The following ATP5F1C variants were observed in gnomAD, a reference collection of about 807,000 sequenced individuals.
The protein encoded by ATP5F1C is ATP synthase F(1) complex subunit gamma, mitochondrial.
ATP5F1C carries 22 observed loss-of-function variants against 37.4 expected under a neutral mutation model. The ratio of observed to expected loss-of-function variants is 0.59; its 90% CI spans 0.42 to 0.84. The LOEUF (loss-of-function observed/expected upper bound fraction) is 0.84. Among genes scored for constraint, ATP5F1C ranks in the 40% least tolerant of loss-of-function variants. The probability of loss-of-function intolerance (pLI) is 0.00; values close to 1 mark genes in which losing one functional copy is unlikely to be tolerated. For synonymous variants in ATP5F1C, 121 were observed against 128.0 expected, an observed-to-expected ratio of 0.95 and a Z score of 0.37; for missense variants, 286 against 362.4, an observed-to-expected ratio of 0.79 and a Z score of 1.71.
chr10:7,798,853 A>G, intron 3 of ATP5F1C, 137 bp from the exon 4 acceptor site: 1 of 779,926 alleles, frequency 1.3e-6, no homozygotes, highest in Non-Finnish European at 2.0e-6. Context: ...TGTCCTAAGA[A>G]CACCTGCTTA....
In ATP5F1C at chr10:7,788,252, G is replaced by T; in HGVS notation, c.45G>T (p.Leu15Phe). Reference sequence around the variant, plus strand: ...TCGCTGGGCTGTCGGCCTGGACCTTGCAGCCGCAATGGTATGGCAGCTTGC... The same window carrying T: ...TCGCTGGGCTGTCGGCCTGGACCTTTCAGCCGCAATGGTATGGCAGCTTGC... ...AGVAGLSAWT[L>F]QPQWIQVRNM... is the part of the protein sequence containing the mutation. The change falls in exon 1 of 10, where the codon TTG becomes TTT. Residue 15 changes from leucine to phenylalanine, a missense_variant. By Grantham distance (22) the Leu-to-Phe change is conservative. Coordinates refer to ENST00000356708, the MANE Select transcript of ATP5F1C (RefSeq NM_001001973.3). The T allele has an allele frequency of 6.2e-7, 1 of 1,613,506 alleles. No individual in the cohort carries two copies. The highest frequency in any genetic ancestry group is 8.5e-7 in the Non-Finnish European group (1 of 1,179,894).
chr10:7,799,612 AAGGAATGATGATAGTGTGTGGAACAACTC>A lies in ATP5F1C; in HGVS notation c.429-154_429-126del, dbSNP rs1219244990. 27 of 747,854 alleles carry A rather than the reference AAGGAATGATGATAGTGTGTGGAACAACTC, an allele frequency of 3.6e-5. No individual in the cohort carries two copies. In the African/African-American group the frequency reaches 4.6e-4, roughly 13 times the overall value. The allele number at this position is 747,854 out of a possible 1,614,324, so 46.3% of individuals were successfully genotyped here. On this transcript the variant is annotated intron_variant, in intron 4 of 9. Coordinates refer to ENST00000356708, the MANE Select transcript of ATP5F1C (RefSeq NM_001001973.3). The stretch of plus-strand genomic sequence containing the variant: ...TTAGTTCTTTGCAGGTGCTGAAGGA[AAGGAATGATGATAGTGTGTGGAACAACTC>A]AGGAAATCACCACCACCCATACCCC...
chr10:7,793,537 A>G lies in ATP5F1C; in HGVS notation c.57-2584A>G, dbSNP rs1034266678. Among the ~76,000 whole-genome samples, 4 of 152,174 alleles carry G rather than the reference A, an allele frequency of 2.6e-5. No homozygotes were observed. In the East Asian group the frequency reaches 5.8e-4, roughly 22 times the overall value. ...TTTGGATACAAGTCCTTTATCAGAG[A>G]TGAGTTTTAGAAATATTTTCTCCCA... On this transcript the variant is annotated intron_variant, in intron 1 of 9. Transcript: ENST00000356708.
At chr10:7,802,912 T>C in intron 8 of ATP5F1C, 58 bp downstream of exon 8, 1 of 1,459,114 alleles carries the variant, frequency 6.9e-7, no homozygotes, top group Non-Finnish European at 9.5e-7. Flanking sequence ...CTGTGTCTGC[T>C]TGTTTGGATG....
intron 1 of ATP5F1C, among the ~76,000 whole-genome samples, chr10:7,792,143 G>A (rs1836173761): frequency 6.6e-6 from 1 of 152,230 alleles, no homozygotes; most frequent in African/African-American, 2.4e-5. Flanking sequence ...CTTTTCAAGT[G>A]TGATTATGAA....
Position 7,788,265 on chromosome 10 carries a change from T to C in ATP5F1C, c.56+2T>C. 6.2e-7 allele frequency: 1 copy of C among 1,613,064 alleles called. No individual in the cohort carries two copies. Among genetic ancestry groups the C allele is most frequent in the Non-Finnish European group, 8.5e-7 (1 of 1,179,752 alleles). ...GGCCTGGACCTTGCAGCCGCAATGGTATGGCAGCTTGCGGGAAGATCGGCA... is the reference window on the plus strand; with the variant it reads ...GGCCTGGACCTTGCAGCCGCAATGGCATGGCAGCTTGCGGGAAGATCGGCA... On this transcript the variant is annotated splice_donor_variant, in intron 1 of 9. Coordinates refer to ENST00000356708, the MANE Select transcript of ATP5F1C (RefSeq NM_001001973.3). LOFTEE classifies it high-confidence loss of function.
At chr10:7,790,480 C>T (rs1046033343) in intron 1 of ATP5F1C, among the ~76,000 whole-genome samples, 1 of 151,996 alleles carries the variant, frequency 6.6e-6, no homozygotes, top group East Asian at 1.9e-4. Flanking sequence ...TTGGGAAAAA[C>T]ATTTCTATTT....
chr10:7,799,236 C>T (rs1163243440), intron 4 of ATP5F1C, 42 bp downstream of exon 4: 1 of 1,557,324 alleles, frequency 6.4e-7, no homozygotes, highest in Non-Finnish European at 8.8e-7. Context: ...AAGATGTAAG[C>T]ACGAATAAAT....
intron 4 of ATP5F1C, 57 bp from the exon 5 acceptor site, chr10:7,799,715 G>C (rs943080651): frequency 1.4e-5 from 23 of 1,593,126 alleles, no homozygotes; most frequent in East Asian, 4.5e-5. Flanking sequence ...TGTCCCCTGT[G>C]CTCTTTCAGC....
At chr10:7,802,504 C>T (rs1400608680) in intron 7 of ATP5F1C, 79 bp downstream of exon 7, 11 of 1,490,306 alleles carry the variant, frequency 7.4e-6, no homozygotes, top group Middle Eastern at 1.8e-4. Context: ...AGTCCGTGGC[C>T]GAGAGTAGCA....
chr10:7,792,149 A>T (rs1836173804), intron 1 of ATP5F1C, among the ~76,000 whole-genome samples: 1 of 152,264 alleles, frequency 6.6e-6, no homozygotes, highest in East Asian at 1.9e-4. Flanking sequence ...AAGTGTGATT[A>T]TGAAAAGCTG....
rs1836253108 is a variant in ATP5F1C at position 7,797,077 on chromosome 10, T to C, written c.122T>C (p.Ile41Thr). 1 of 1,613,968 alleles carries C rather than the reference T, an allele frequency of 6.2e-7. No homozygotes were observed. Among genetic ancestry groups the C allele is most frequent in the African/African-American group, 1.3e-5 (1 of 74,900 alleles). Residue 41 changes from isoleucine to threonine, a missense_variant, in exon 3 of 10, where the codon ATC (isoleucine) becomes ACC (threonine). Coordinates refer to ENST00000356708, the MANE Select transcript of ATP5F1C (RefSeq NM_001001973.3). ...ITRRLKSIKN[I>T]QKITKSMKMV... ...AGGAGACTAAAGTCCATCAAAAACA[T>C]CCAGAAAATTACCAAGTCTATGAAA...
chr10:7,802,641 A>G (rs1417595996), intron 7 of ATP5F1C, 117 bp from the exon 8 acceptor site: 1 of 1,184,308 alleles, frequency 8.4e-7, no homozygotes, highest in Non-Finnish European at 1.2e-6. Context: ...ATTATTTGAG[A>G]GGCCAATTTT....
chr10:7,796,642 T>G (rs1383649122), intron 2 of ATP5F1C: 1 of 155,246 alleles, frequency 6.4e-6, no homozygotes, highest in South Asian at 2.0e-4. Context: ...TGGAGTGCAG[T>G]GGCGCCATCT....
At chr10:7,800,398 T>C (rs1040284072) in intron 6 of ATP5F1C, among the ~76,000 whole-genome samples, 2 of 151,560 alleles carry the variant, frequency 1.3e-5, no homozygotes, top group Non-Finnish European at 2.9e-5. Flanking sequence ...GGTTTCACCA[T>C]GTTAGCCAGG....
chr10:7,788,323 G>A, intron 1 of ATP5F1C, 60 bp downstream of exon 1: 1 of 1,595,148 alleles, frequency 6.3e-7, no homozygotes, highest in South Asian at 1.1e-5. Flanking sequence ...TTGGGCACGG[G>A]GCAGGGAGGA....
Position 7,796,125 on chromosome 10 carries a change from C to A in ATP5F1C, c.61C>A (p.Gln21Lys). ...SAWTLQPQWI[Q>K]VRNMATLKDI... ...TTTTAAAACTTTTATCCTCAGGATT[C>A]AAGTTCGAAATATGGCAACTTTGAA... Residue 21 changes from glutamine (Q) to lysine (K), a missense_variant, in exon 2 of 10, where the codon CAA (glutamine) becomes AAA (lysine). Physicochemically the swap from Gln to Lys is moderately conservative, Grantham distance 53. Coordinates refer to ENST00000356708, the MANE Select transcript of ATP5F1C (RefSeq NM_001001973.3). 1 of 1,591,160 alleles carries A rather than the reference C, an allele frequency of 6.3e-7. No individual in the cohort carries two copies. The highest frequency in any genetic ancestry group is 1.2e-5 in the South Asian group (1 of 85,414).
intron 8 of ATP5F1C, among the ~76,000 whole-genome samples, chr10:7,805,746 CAAAAAA>C (rs547312025): frequency 3.3e-5 from 3 of 89,888 alleles, no homozygotes; most frequent in Admixed American, 1.3e-4. Context: ...GACTCCTTCT[CAAAAAA>C]AAAAAAAAAA....
intron 1 of ATP5F1C, among the ~76,000 whole-genome samples, chr10:7,789,976 A>G (rs1249936388): frequency 6.6e-6 from 1 of 152,208 alleles, no homozygotes; most frequent in Non-Finnish European, 1.5e-5. Context: ...ATCCCTTTGG[A>G]ATATTGGTTT....
Sources: gnomAD v4.1 joint callset for allele counts (sites outside exome capture counted in the v4.1 genomes callset) on GRCh38, gnomAD v4.1.1 for gene constraint, MANE v1.5 for transcripts, NCBI Gene and HGNC (gene_info 2026-07-23, HGNC 2026-07-21) for gene names.